The following SFMBT2 variants were observed in gnomAD, a reference collection of about 807,000 sequenced individuals.
The protein encoded by SFMBT2 is scm-like with four MBT domains protein 2.
SFMBT2 carries 38 observed loss-of-function variants against 110.1 expected under a neutral mutation model. The ratio of observed to expected loss-of-function variants is 0.35; its 90% CI spans 0.27 to 0.45. SFMBT2 has a LOEUF of 0.45. Ranked by LOEUF, SFMBT2 falls within the 20% of genes least tolerant of loss-of-function variation. SFMBT2 has a pLI of 1.00. For missense variants in SFMBT2, 1,011 were observed against 1,094.9 expected, an observed-to-expected ratio of 0.92 and a Z score of 1.08; for synonymous variants, 425 against 425.4, an observed-to-expected ratio of 1.00 and a Z score of 0.01.
rs375106249 is a variant in SFMBT2, at chr10:7,375,395, A to G, written c.101-5020T>C. ...ATTAAAGCCTGTGCCCACTACACCA[A>G]TAAAGGAACCGGGAATTGGCAGATT... On this transcript the variant is annotated intron_variant, in intron 2 of 20. Transcript: ENST00000397167. Among the ~76,000 whole-genome samples, 15 of 152,204 alleles carry G rather than the reference A, an allele frequency of 9.9e-5. No individual in the cohort carries two copies. The East Asian group carries it at 2.9e-3, about 29-fold the overall frequency.
chr10:7,225,103 C>T (rs2131664312), intron 10 of SFMBT2, among the ~76,000 whole-genome samples: 1 of 152,240 alleles, frequency 6.6e-6, no homozygotes, highest in South Asian at 2.1e-4. Context: ...TATTGAGCTT[C>T]CTTCTGAAAA....
At chr10:7,200,169 C>T (rs565246864) in intron 14 of SFMBT2, among the ~76,000 whole-genome samples, 13 of 152,296 alleles carry the variant, frequency 8.5e-5, no homozygotes, top group Non-Finnish European at 1.5e-4. Flanking sequence ...ACACATAAAC[C>T]CTTTTTCTAT....
chr10:7,209,589 A>G (rs944994235), intron 11 of SFMBT2, among the ~76,000 whole-genome samples: 5 of 152,248 alleles, frequency 3.3e-5, no homozygotes, highest in African/African-American at 1.2e-4. Context: ...CAGATCTCCA[A>G]GATGCACTGC....
intron 4 of SFMBT2, among the ~76,000 whole-genome samples, chr10:7,356,956 ACT>A (rs1844535512): frequency 6.6e-6 from 1 of 151,624 alleles, no homozygotes; most frequent in African/African-American, 2.4e-5. Context: ...TTTTCAAGAG[ACT>A]CTCTGACCTG....
At chr10:7,202,422 T>TA (rs1302863010) in intron 13 of SFMBT2, 58 bp downstream of exon 13, 1 of 1,608,324 alleles carries the variant, frequency 6.2e-7, no homozygotes, top group Non-Finnish European at 8.5e-7. Context: ...CCATCCTCCA[T>TA]AAAGACACTA....
intron 11 of SFMBT2, among the ~76,000 whole-genome samples, chr10:7,216,425 C>T (rs769440556): frequency 1.1e-4 from 17 of 152,116 alleles, no homozygotes; most frequent in Non-Finnish European, 1.5e-4. Context: ...TCTCTCCTGC[C>T]GCCGCCATGT....
rs56871421 is a variant in SFMBT2 at position 7,228,738 on chromosome 10, TTCTCTC to T, written c.1121-807_1121-802del. On this transcript the variant is annotated intron_variant, in intron 9 of 20. Coordinates refer to ENST00000397167, the MANE Select transcript of SFMBT2 (RefSeq NM_001387889.1). ...TTCTTTCTTTCTTTCTTTCTTTCCT[TTCTCTC>T]TCTCTCTCTCTCTCTCTCTCTCTCT... 8.9e-3 allele frequency among the ~76,000 whole-genome samples: 553 copies of T among 62,430 alleles called. 27 individuals are homozygous for T. Among genetic ancestry groups the T allele is most frequent in the Middle Eastern group, 0.037 (5 of 136 alleles). The allele number at this position is 62,430 out of a possible 152,430, so 41.0% of individuals were successfully genotyped here.
At chr10:7,233,893 C>T (rs1197180397) in intron 9 of SFMBT2, among the ~76,000 whole-genome samples, 2 of 152,244 alleles carry the variant, frequency 1.3e-5, no homozygotes, top group Non-Finnish European at 2.9e-5. Flanking sequence ...GCTGGCAGAA[C>T]CTGTCCCAGG....
chr10:7,248,955 A>C (rs974927578), intron 7 of SFMBT2: 1 of 188,112 alleles, frequency 5.3e-6, no homozygotes. Flanking sequence ...ACAGCAGAGT[A>C]AGGGAGGCAA....
At chr10:7,356,407 GTTGTT>G (rs540244375) in intron 4 of SFMBT2, among the ~76,000 whole-genome samples, 20 of 152,044 alleles carry the variant, frequency 1.3e-4, no homozygotes, top group South Asian at 4.2e-4. Context: ...TGTTGTTGTT[GTTGTT>G]TTGTTTTGTT....
At chr10:7,234,266 T>C (rs942558830) in intron 9 of SFMBT2, among the ~76,000 whole-genome samples, 3 of 151,870 alleles carry the variant, frequency 2.0e-5, no homozygotes, top group Admixed American at 6.6e-5. Flanking sequence ...GACAATAATA[T>C]AAGCACTAGC....
At position 7,385,647 on chromosome 10, in the gene SFMBT2, G is replaced by A. The variant is rs375289205; in HGVS notation, c.-51-3698C>T. ...GCTATGGACACAGGAGTACAAGCACGGAAAGGGCACAGGGAGAACACTCAA... is the reference window on the plus strand; with the variant it reads ...GCTATGGACACAGGAGTACAAGCACAGAAAGGGCACAGGGAGAACACTCAA... On this transcript the variant is annotated intron_variant, in intron 1 of 20. Coordinates refer to ENST00000397167, the MANE Select transcript of SFMBT2 (RefSeq NM_001387889.1). Among the ~76,000 whole-genome samples, 18 of 152,276 alleles carry A rather than the reference G, an allele frequency of 1.2e-4. No individual in the cohort carries two copies. The South Asian group carries it at 2.3e-3, about 19-fold the overall frequency.
chr10:7,369,137 G>A (rs1844995211), intron 3 of SFMBT2, among the ~76,000 whole-genome samples: 1 of 152,110 alleles, frequency 6.6e-6, no homozygotes, highest in Admixed American at 6.5e-5. Context: ...GGCCAACTCA[G>A]GCAACATGGC....
intron 4 of SFMBT2, among the ~76,000 whole-genome samples, chr10:7,350,109 G>C (rs917621131): frequency 1.3e-5 from 2 of 152,088 alleles, no homozygotes; most frequent in Non-Finnish European, 2.9e-5. Context: ...CGTGTTCGTG[G>C]CTAGGTCATG....
intron 1 of SFMBT2, among the ~76,000 whole-genome samples, chr10:7,385,267 A>G (rs902005840): frequency 2.0e-5 from 3 of 152,192 alleles, no homozygotes; most frequent in Non-Finnish European, 4.4e-5. Flanking sequence ...TTATGAGATG[A>G]CAGGATCACG....
chr10:7,291,302 A>G (rs2131858826), intron 4 of SFMBT2, among the ~76,000 whole-genome samples: 1 of 152,326 alleles, frequency 6.6e-6, no homozygotes, highest in Admixed American at 6.5e-5. Context: ...TAGCATTTAA[A>G]CACACAGGGT....
chr10:7,325,353 A>T (rs1588450082), intron 4 of SFMBT2, among the ~76,000 whole-genome samples: 1 of 152,254 alleles, frequency 6.6e-6, no homozygotes, highest in Non-Finnish European at 1.5e-5. Flanking sequence ...GGCCATAACC[A>T]ATATTAAAGG....
At chr10:7,323,470 C>CCA (rs565734136) in intron 4 of SFMBT2, among the ~76,000 whole-genome samples, 5 of 120,576 alleles carry the variant, frequency 4.1e-5, no homozygotes, top group Admixed American at 1.9e-4. Context: ...AAAAAAAAAC[C>CCA]AAAAAAAAAA....
intron 4 of SFMBT2, among the ~76,000 whole-genome samples, chr10:7,334,401 C>T (rs1843655015): frequency 6.6e-6 from 1 of 152,214 alleles, no homozygotes; most frequent in Admixed American, 6.5e-5. Context: ...AGCTCCCCAT[C>T]ACAGCTAACG....
Sources: allele counts gnomAD v4.1 joint callset (sites outside exome capture counted in the v4.1 genomes callset), GRCh38; gene constraint gnomAD v4.1.1; transcripts MANE v1.5; gene names NCBI Gene and HGNC (gene_info 2026-07-23, HGNC 2026-07-21).